The following RCAN1 variants were observed in gnomAD, a reference collection of about 807,000 sequenced individuals.
The protein encoded by RCAN1 is regulator of calcineurin 1.
In RCAN1, 11 loss-of-function variants were observed where a neutral mutation model predicts 22.9. That is an observed-to-expected ratio of 0.48 (90% CI 0.30 to 0.79). The LOEUF (loss-of-function observed/expected upper bound fraction) is 0.79. Ranked by LOEUF, RCAN1 falls within the 30% of genes least tolerant of loss-of-function variation. RCAN1 has a pLI of 0.06. For synonymous variants in RCAN1, 136 were observed against 142.3 expected (o/e 0.96, Z 0.32); for missense variants, 291 against 337.8 (o/e 0.86, Z 1.09).
intron 1 of RCAN1, among the ~76,000 whole-genome samples, chr21:34,561,303 T>C (rs899116326): frequency 4.6e-5 from 7 of 152,118 alleles, no homozygotes; most frequent in Non-Finnish European, 7.4e-5. Context: ...TCAGAGTAAA[T>C]ACGGGATAAA....
intron 1 of RCAN1, among the ~76,000 whole-genome samples, chr21:34,586,989 G>A (rs1987821934): frequency 6.6e-6 from 1 of 151,814 alleles, no homozygotes; most frequent in South Asian, 2.1e-4. Context: ...AAAAAAAGTG[G>A]AAAACACTGA....
At chr21:34,568,598 A>G (rs774568719) in intron 1 of RCAN1, among the ~76,000 whole-genome samples, 2 of 152,202 alleles carry the variant, frequency 1.3e-5, no homozygotes, top group Non-Finnish European at 2.9e-5. Context: ...GAGGAATTGC[A>G]TGCTAATCAT....
At chr21:34,591,971 T>C (rs935725212) in intron 1 of RCAN1, among the ~76,000 whole-genome samples, 1 of 152,190 alleles carries the variant, frequency 6.6e-6, no homozygotes, top group African/African-American at 2.4e-5. Flanking sequence ...CTCAAATACA[T>C]GCAGTTCAAT....
intron 1 of RCAN1, among the ~76,000 whole-genome samples, chr21:34,557,529 G>C (rs1360433641): frequency 6.6e-6 from 1 of 152,202 alleles, no homozygotes; most frequent in Non-Finnish European, 1.5e-5. Flanking sequence ...ATCCCAGCAG[G>C]CACCTTTAAC....
intron 1 of RCAN1, among the ~76,000 whole-genome samples, chr21:34,545,210 G>A (rs1322497872): frequency 6.6e-6 from 1 of 152,196 alleles, no homozygotes; most frequent in East Asian, 1.9e-4. Flanking sequence ...GTCACCTCAA[G>A]TTTGCTTCTT....
rs1988766251 is a variant in RCAN1 at position 34,614,560 on chromosome 21, C to T, written c.252+200G>A. 10 of 1,006,738 alleles carry T rather than the reference C, an allele frequency of 9.9e-6. No individual in the cohort carries two copies. The highest frequency in any genetic ancestry group is 5.2e-5 in the Admixed American group (1 of 19,118). 62.4% of individuals were successfully genotyped at this position (1,006,738 alleles called of 1,614,324 possible). A position where few individuals can be genotyped will look rare whatever the true frequency, so the allele number is the denominator to read the frequency against. On this transcript the variant is annotated intron_variant, in intron 1 of 3. Transcript: ENST00000313806. The surrounding 1 kb of genome is among the most constrained non-coding windows in gnomAD (Gnocchi z 6.0). Reference sequence around the variant, plus strand: ...ACTCTGCAGTGAGCTCCGCGCGCCCCGGGGGTGCTAGGGGACCGGGACCCT... The same window carrying T: ...ACTCTGCAGTGAGCTCCGCGCGCCCTGGGGGTGCTAGGGGACCGGGACCCT...
chr21:34,523,814 G>T, intron 1 of RCAN1, 104 bp from the exon 2 acceptor site: 9 of 933,648 alleles, frequency 9.6e-6, no homozygotes, highest in Non-Finnish European at 1.3e-5. Context: ...ACAGAGTCTT[G>T]CTCTGTCACC....
intron 1 of RCAN1, among the ~76,000 whole-genome samples, chr21:34,612,949 G>A (rs930278503): frequency 2.6e-5 from 4 of 152,106 alleles, no homozygotes; most frequent in Non-Finnish European, 4.4e-5. Flanking sequence ...TCTCTTCATC[G>A]CATTTATCAC....
chr21:34,532,795 T>A (rs1315616883), intron 1 of RCAN1, among the ~76,000 whole-genome samples: 2 of 152,196 alleles, frequency 1.3e-5, no homozygotes, highest in Non-Finnish European at 2.9e-5. Context: ...AATAGATAAA[T>A]GAAGTGTAAA....
At chr21:34,555,756 G>C (rs1974880720) in intron 1 of RCAN1, among the ~76,000 whole-genome samples, 1 of 151,298 alleles carries the variant, frequency 6.6e-6, no homozygotes, top group Non-Finnish European at 1.5e-5. Context: ...ATAATAAAAA[G>C]GTATTTTTAA....
chr21:34,544,554 T>C (rs1200223520), intron 1 of RCAN1, among the ~76,000 whole-genome samples: 2 of 152,202 alleles, frequency 1.3e-5, no homozygotes, highest in African/African-American at 2.4e-5. Flanking sequence ...GAAATGGGCA[T>C]TGTAAGCCAC....
chr21:34,599,630 A>C (rs1239960910), intron 1 of RCAN1, among the ~76,000 whole-genome samples: 1 of 151,660 alleles, frequency 6.6e-6, no homozygotes, highest in Non-Finnish European at 1.5e-5. Context: ...ACATATGTTT[A>C]TACATGTGTG....
chr21:34,519,632 C>T lies in RCAN1; in HGVS notation c.587-1376G>A, dbSNP rs192740698. On this transcript the variant is annotated intron_variant, in intron 3 of 3. Transcript: ENST00000313806. ...CAGGATGGTCTTGATCTCCTGACCT[C>T]GTGATCCGCCTGCCTCAGCCTTCCA... Among the ~76,000 whole-genome samples, 525 of 152,016 alleles carry T rather than the reference C, an allele frequency of 3.5e-3. 1 individual carries two copies. Among genetic ancestry groups the T allele is most frequent in the African/African-American group, 0.012 (503 of 41,460 alleles).
At chr21:34,567,572 A>G (rs78783052) in intron 1 of RCAN1, among the ~76,000 whole-genome samples, 5,011 of 150,832 alleles carry the variant, frequency 0.033, 214 homozygotes, top group East Asian at 0.11. Flanking sequence ...AAAAAAAAAG[A>G]AAGAAACTCC....
chr21:34,533,537 T>C (rs1985526913), intron 1 of RCAN1, among the ~76,000 whole-genome samples: 1 of 152,196 alleles, frequency 6.6e-6, no homozygotes, highest in Non-Finnish European at 1.5e-5. Flanking sequence ...CATTCACGCA[T>C]CCCTCCATTT....
At chr21:34,551,753 C>G (rs1056865955) in intron 1 of RCAN1, among the ~76,000 whole-genome samples, 1 of 152,106 alleles carries the variant, frequency 6.6e-6, no homozygotes, top group Admixed American at 6.5e-5. Flanking sequence ...TTTCTGAACT[C>G]TCCCTGAATG....
chr21:34,589,063 T>C (rs374273487), intron 1 of RCAN1, among the ~76,000 whole-genome samples: 4 of 152,288 alleles, frequency 2.6e-5, no homozygotes, highest in East Asian at 3.9e-4. Context: ...TTGTACAAGA[T>C]GAAAAGTGTT....
At chr21:34,550,626 G>A (rs8134213) in intron 1 of RCAN1, among the ~76,000 whole-genome samples, 36,683 of 152,070 alleles carry the variant, frequency 0.24, 5,160 homozygotes, top group African/African-American at 0.39. Context: ...CTCCAGGATT[G>A]TGAAACAACA....
chr21:34,598,487 G>A (rs1264838165), intron 1 of RCAN1, among the ~76,000 whole-genome samples: 1 of 152,144 alleles, frequency 6.6e-6, no homozygotes, highest in Non-Finnish European at 1.5e-5. Flanking sequence ...CATCCCACAG[G>A]TAACATGCAA....
Sources: allele counts gnomAD v4.1 joint callset (sites outside exome capture counted in the v4.1 genomes callset), GRCh38; gene constraint gnomAD v4.1.1; non-coding constraint Gnocchi (gnomAD v3.1); transcripts MANE v1.5; gene names NCBI Gene and HGNC (gene_info 2026-07-23, HGNC 2026-07-21).